The following FGGY variants were observed in gnomAD, a reference collection of about 807,000 sequenced individuals.
FGGY encodes the protein FGGY carbohydrate kinase domain containing.
In FGGY, 72 loss-of-function variants were observed where a neutral mutation model predicts 71.3. That is an observed-to-expected ratio of 1.01 (90% CI 0.84 to 1.23). The LOEUF (loss-of-function observed/expected upper bound fraction) is 1.23, where lower values mean the gene tolerates loss of function less well. Ranked by LOEUF, FGGY falls within the 50% of genes most tolerant of loss-of-function variation. The pLI is 0.00. For missense variants in FGGY, 668 were observed against 682.3 expected, an observed-to-expected ratio of 0.98 and a Z score of 0.23; for synonymous variants, 251 against 250.3, an observed-to-expected ratio of 1.00 and a Z score of -0.02.
chr1:59,484,360 C>T (rs903998500), intron 6 of FGGY, among the ~76,000 whole-genome samples: 1 of 152,126 alleles, frequency 6.6e-6, no homozygotes, highest in African/African-American at 2.4e-5. Context: ...CATCTTTCTC[C>T]CTGCTCCCTT....
chr1:59,324,620 A>G (rs1257724690), intron 2 of FGGY, among the ~76,000 whole-genome samples: 1 of 152,094 alleles, frequency 6.6e-6, no homozygotes, highest in Non-Finnish European at 1.5e-5. Flanking sequence ...CTCTGTTTTG[A>G]AGATAGAAAA....
chr1:59,383,785 G>A (rs1314594979), intron 5 of FGGY, among the ~76,000 whole-genome samples: 3 of 151,946 alleles, frequency 2.0e-5, no homozygotes, highest in South Asian at 2.1e-4. Context: ...ATCTACCTAC[G>A]ATCTGGAAGC....
chr1:59,511,509 A>G (rs988004528), intron 6 of FGGY, among the ~76,000 whole-genome samples: 1 of 152,068 alleles, frequency 6.6e-6, no homozygotes, highest in Non-Finnish European at 1.5e-5. Flanking sequence ...ATTTCATTCT[A>G]TTCTGTCTTA....
intron 6 of FGGY, among the ~76,000 whole-genome samples, chr1:59,491,141 TCC>T (rs2093846457): frequency 2.8e-5 from 1 of 35,312 alleles, no homozygotes; most frequent in African/African-American, 2.0e-4. Flanking sequence ...CTTCCTTCCT[TCC>T]TTTCTCTCTT....
At chr1:59,709,868 C>T (rs1447074710) in intron 14 of FGGY, among the ~76,000 whole-genome samples, 1 of 152,206 alleles carries the variant, frequency 6.6e-6, no homozygotes, top group Non-Finnish European at 1.5e-5. Context: ...CCAAATTCTA[C>T]ATGGAACCCC....
At chr1:59,506,046 G>T (rs1037750043) in intron 6 of FGGY, among the ~76,000 whole-genome samples, 4 of 152,166 alleles carry the variant, frequency 2.6e-5, no homozygotes, top group African/African-American at 9.7e-5. Context: ...AGGTGAGGGT[G>T]TGTACACCGA....
intron 1 of FGGY, among the ~76,000 whole-genome samples, chr1:59,300,102 G>C (rs2042535120): frequency 6.6e-6 from 1 of 152,222 alleles, no homozygotes; most frequent in Admixed American, 6.5e-5. Context: ...GTGTTCTTGA[G>C]TGGGCTATTT....
chr1:59,580,014 ATC>A (rs2096160121), intron 8 of FGGY, among the ~76,000 whole-genome samples: 1 of 152,012 alleles, frequency 6.6e-6, no homozygotes, highest in Non-Finnish European at 1.5e-5. Context: ...ACTTGCTCTT[ATC>A]TCTCCACCTG....
chr1:59,688,899 G>T lies in FGGY; in HGVS notation c.1512+14766G>T, dbSNP rs200309793. 1.1e-4 allele frequency among the ~76,000 whole-genome samples: 16 copies of T among 152,188 alleles called. No homozygotes were observed. In the East Asian group the frequency reaches 3.1e-3, roughly 29 times the overall value. ...CAAGTAGCTGGGATTACAGGCACCT[G>T]CCACCACACCTGGCTGATTTTTGTA... On this transcript the variant is annotated intron_variant, in intron 14 of 15. Transcript: ENST00000303721.
At chr1:59,397,783 C>CCCT (rs1557794243) in intron 5 of FGGY, among the ~76,000 whole-genome samples, 4 of 152,170 alleles carry the variant, frequency 2.6e-5, no homozygotes, top group African/African-American at 9.7e-5. Context: ...AGCATTTTTA[C>CCCT]TTTTTACCCT....
In FGGY at chr1:59,339,943, T is replaced by A. The variant is rs370557992; in HGVS notation, c.202-15T>A. ...CTGGTGTTGTAATTTATGTTTTTAT[T>A]TGTTTTTAAAACAGAAAGTTGTACA... On this transcript the variant is annotated splice_polypyrimidine_tract_variant and intron_variant, in intron 2 of 15. Coordinates refer to ENST00000303721, the MANE Select transcript of FGGY (RefSeq NM_018291.5). 2.0e-6 allele frequency: 3 copies of A among 1,532,462 alleles called. No individual in the cohort carries two copies. The highest frequency in any genetic ancestry group is 1.1e-5 in the South Asian group (1 of 87,292). The allele number at this position is 1,532,462 out of a possible 1,614,324, so 94.9% of individuals were successfully genotyped here.
intron 9 of FGGY, among the ~76,000 whole-genome samples, chr1:59,612,946 A>G (rs1055778787): frequency 1.3e-5 from 2 of 152,240 alleles, no homozygotes; most frequent in Non-Finnish European, 2.9e-5. Flanking sequence ...AGAAGAGCTA[A>G]CCATCCTAAA....
intron 8 of FGGY, among the ~76,000 whole-genome samples, chr1:59,587,248 G>A (rs1032705300): frequency 1.4e-3 from 214 of 152,226 alleles, no homozygotes; most frequent in African/African-American, 4.8e-3. Context: ...GGGGAGGGGC[G>A]CCCGCCATTG....
intron 2 of FGGY, among the ~76,000 whole-genome samples, chr1:59,336,203 C>T (rs2153189302): frequency 6.6e-6 from 1 of 152,136 alleles, no homozygotes; most frequent in Admixed American, 6.5e-5. Flanking sequence ...TGCATATAGT[C>T]ATATAGTTCT....
intron 5 of FGGY, among the ~76,000 whole-genome samples, chr1:59,427,907 TATC>T (rs1315149194): frequency 1.1e-4 from 17 of 152,156 alleles, no homozygotes; most frequent in African/African-American, 3.9e-4. Flanking sequence ...TTCTGCTTCA[TATC>T]ATCTCTTATG....
rs763367128 is a variant in FGGY, at chr1:59,584,753, A to T, written c.904-23050A>T. On this transcript the variant is annotated intron_variant, in intron 8 of 15. Transcript: ENST00000303721. ...TTGTCCCTGTTTGCAGATGACATGA[A>T]TGTATATCTAGAAAACCCCATCATC... 5.3e-5 allele frequency among the ~76,000 whole-genome samples: 8 copies of T among 149,996 alleles called. No homozygotes were observed. In the East Asian group the frequency reaches 9.8e-4, roughly 18 times the overall value.
At chr1:59,468,034 G>T (rs900287745) in intron 6 of FGGY, among the ~76,000 whole-genome samples, 2 of 151,988 alleles carry the variant, frequency 1.3e-5, no homozygotes, top group Non-Finnish European at 2.9e-5. Flanking sequence ...CTTCCGAGTA[G>T]CTGGGATTAC....
intron 15 of FGGY, among the ~76,000 whole-genome samples, chr1:59,761,389 C>A (rs902432576): frequency 2.6e-5 from 4 of 152,176 alleles, no homozygotes; most frequent in African/African-American, 9.7e-5. Context: ...TCCAAGGTTA[C>A]TCTTACAACC....
intron 2 of FGGY, among the ~76,000 whole-genome samples, chr1:59,328,119 C>T (rs979193145): frequency 4.6e-5 from 7 of 152,210 alleles, no homozygotes; most frequent in Non-Finnish European, 1.0e-4. Context: ...GCCAGCTTGT[C>T]CTTTGAAGCT....
Sources: allele counts gnomAD v4.1 joint callset (sites outside exome capture counted in the v4.1 genomes callset), GRCh38; gene constraint gnomAD v4.1.1; transcripts MANE v1.5; gene names NCBI Gene and HGNC (gene_info 2026-07-23, HGNC 2026-07-21).